The following MYO1B variants were observed in gnomAD, a reference collection of about 807,000 sequenced individuals.
MYO1B encodes the protein unconventional myosin-Ib.
In MYO1B, 72 loss-of-function variants were observed where a neutral mutation model predicts 159.7. The ratio of observed to expected loss-of-function variants is 0.45; its 90% CI spans 0.37 to 0.55. The LOEUF is 0.55. MYO1B is among the 20% of genes least tolerant of loss of function. MYO1B has a pLI of 0.00. For synonymous variants in MYO1B, 468 were observed against 473.8 expected (o/e 0.99, Z 0.16); for missense variants, 1,062 against 1,364.8 (o/e 0.78, Z 3.50).
intron 4 of MYO1B, among the ~76,000 whole-genome samples, chr2:191,333,097 C>A (rs1243613594): frequency 6.6e-6 from 1 of 152,148 alleles, no homozygotes. Context: ...ATTGCCAGGT[C>A]TCATTTAAAA....
chr2:191,372,284 T>G (rs558882355), intron 13 of MYO1B, among the ~76,000 whole-genome samples: 3 of 152,352 alleles, frequency 2.0e-5, no homozygotes, highest in East Asian at 1.9e-4. Flanking sequence ...GGGCAATGGC[T>G]TAATATCATA....
intron 1 of MYO1B, chr2:191,263,636 A>C (rs1180226538): frequency 3.3e-5 from 5 of 152,208 alleles, no homozygotes; most frequent in African/African-American, 1.2e-4. Flanking sequence ...TTTATTTCTT[A>C]CCAAAACTTT....
intron 3 of MYO1B, among the ~76,000 whole-genome samples, chr2:191,305,665 C>T (rs1689607888): frequency 6.6e-6 from 1 of 152,124 alleles, no homozygotes; most frequent in Non-Finnish European, 1.5e-5. Context: ...GAGAAAGCAG[C>T]CATAAAAAAG....
intron 17 of MYO1B, chr2:191,388,344 C>T (rs1568217): frequency 0.82 from 124,095 of 151,834 alleles, 54,510 homozygotes; most frequent in Non-Finnish European, 0.98. Flanking sequence ...GCATCTTAGA[C>T]AGAACTCTCT....
chr2:191,277,031 G>A lies in MYO1B; in HGVS notation c.135+1G>A, dbSNP rs1319741482. ...GCGCTTTGACCACAGTGAAATATAC[G>A]TAAGTACACACGAAGGTCATCTGTA... On this transcript the variant is annotated splice_donor_variant, in intron 2 of 30. Transcript: ENST00000392318. LOFTEE classifies it high-confidence loss of function. 5 of 1,612,314 alleles carry A rather than the reference G, an allele frequency of 3.1e-6. No homozygotes were observed. Among genetic ancestry groups the A allele is most frequent in the Non-Finnish European group, 4.2e-6 (5 of 1,179,610 alleles).
At chr2:191,271,753 A>G (rs1223236781) in intron 1 of MYO1B, among the ~76,000 whole-genome samples, 1 of 152,168 alleles carries the variant, frequency 6.6e-6, no homozygotes, top group African/African-American at 2.4e-5. Context: ...CTTAGTTATT[A>G]TTTAATTATT....
At chr2:191,346,178 C>T in intron 5 of MYO1B, 58 bp from the exon 6 acceptor site, 1 of 1,292,864 alleles carries the variant, frequency 7.7e-7, no homozygotes, top group Non-Finnish European at 1.1e-6. Flanking sequence ...TTTGCTTTAT[C>T]TTTCTGCTTG....
intron 30 of MYO1B, among the ~76,000 whole-genome samples, chr2:191,418,143 C>G (rs187408533): frequency 6.6e-6 from 1 of 152,308 alleles, no homozygotes; most frequent in Non-Finnish European, 1.5e-5. Flanking sequence ...CTACATAGCA[C>G]CCGTGGGTCC....
intron 11 of MYO1B, 69 bp downstream of exon 11, chr2:191,364,345 C>A: frequency 7.7e-7 from 1 of 1,296,940 alleles, no homozygotes; most frequent in Non-Finnish European, 1.1e-6. Context: ...TAAGTATAAA[C>A]AAAGATTTTA....
intron 30 of MYO1B, among the ~76,000 whole-genome samples, chr2:191,418,185 G>C (rs1016280209): frequency 1.3e-5 from 2 of 152,138 alleles, no homozygotes; most frequent in African/African-American, 4.8e-5. Context: ...GCCTGCAGAG[G>C]AAGTTTGTAG....
intron 3 of MYO1B, among the ~76,000 whole-genome samples, chr2:191,299,198 A>G (rs924112053): frequency 6.6e-6 from 1 of 152,340 alleles, no homozygotes. Flanking sequence ...AGGAGGCAGC[A>G]TGGCACTGCT....
At chr2:191,334,636 A>T (rs931105847) in intron 4 of MYO1B, among the ~76,000 whole-genome samples, 3 of 151,964 alleles carry the variant, frequency 2.0e-5, no homozygotes, top group African/African-American at 7.3e-5. Context: ...GTTGCCCTTT[A>T]TCAGAAGCTG....
intron 7 of MYO1B, among the ~76,000 whole-genome samples, chr2:191,351,692 G>C (rs1447392032): frequency 6.6e-6 from 1 of 152,150 alleles, no homozygotes; most frequent in Non-Finnish European, 1.5e-5. Flanking sequence ...TTTGAGACCA[G>C]CCTGGCCAAC....
chr2:191,346,668 G>A (rs1379159250), intron 6 of MYO1B, among the ~76,000 whole-genome samples: 1 of 152,208 alleles, frequency 6.6e-6, no homozygotes, highest in African/African-American at 2.4e-5. Flanking sequence ...CCCTTATTCA[G>A]TGGGTCCAGA....
At chr2:191,365,082 GT>G (rs1185529028) in intron 11 of MYO1B, among the ~76,000 whole-genome samples, 1 of 152,182 alleles carries the variant, frequency 6.6e-6, no homozygotes, top group African/African-American at 2.4e-5. Context: ...TTTGCTTCAA[GT>G]TAAGTGGGTG....
intron 30 of MYO1B, among the ~76,000 whole-genome samples, chr2:191,416,682 C>T (rs1247904779): frequency 4.6e-5 from 7 of 151,892 alleles, no homozygotes; most frequent in African/African-American, 1.2e-4. Context: ...GGCGTGGTGG[C>T]GGGCGCATGT....
At chr2:191,329,896 T>A in intron 3 of MYO1B, 39 bp from the exon 4 acceptor site, 2 of 1,564,256 alleles carry the variant, frequency 1.3e-6, no homozygotes, top group Non-Finnish European at 1.8e-6. Context: ...ATAATAATGA[T>A]CTGAAGTCTA....
At chr2:191,369,361 G>C (rs1018685566) in intron 11 of MYO1B, among the ~76,000 whole-genome samples, 181 bp from the exon 12 acceptor site, 1 of 152,166 alleles carries the variant, frequency 6.6e-6, no homozygotes, top group African/African-American at 2.4e-5. Flanking sequence ...GTGTAACTGT[G>C]TATAAACAAT....
chr2:191,392,274 C>T lies in MYO1B; in HGVS notation c.2076+73C>T, dbSNP rs868809585. On this transcript the variant is annotated intron_variant, in intron 19 of 30. Transcript: ENST00000392318. ...AGGAAAGTTCTTAAAATATGTTTAA[C>T]TTTATAACATTATATGAGGGGCCAC... 6.4e-5 allele frequency: 73 copies of T among 1,138,252 alleles called. No individual in the cohort carries two copies. The Middle Eastern group carries it at 1.5e-3, about 24-fold the overall frequency. 70.5% of individuals were successfully genotyped at this position (1,138,252 alleles called of 1,614,324 possible).
Sources: allele counts gnomAD v4.1 joint callset (sites outside exome capture counted in the v4.1 genomes callset), GRCh38; gene constraint gnomAD v4.1.1; transcripts MANE v1.5; gene names NCBI Gene and HGNC (gene_info 2026-07-23, HGNC 2026-07-21).